Variants in CDH13 observed in about 807,000 individuals in gnomAD.
CDH13 encodes cadherin 13.
Under a neutral mutation model 63.8 loss-of-function variants are expected in CDH13, and 24 were observed. That is an observed-to-expected ratio of 0.38 (90% CI 0.27 to 0.53). The LOEUF is 0.53. Among genes scored for constraint, CDH13 ranks in the 20% least tolerant of loss-of-function variants. The pLI is 0.85. For synonymous variants in CDH13, 503 were observed against 355.3 expected, an observed-to-expected ratio of 1.42 and a Z score of -4.67; for missense variants, 1,049 against 903.1, an observed-to-expected ratio of 1.16 and a Z score of -2.07.
At chr16:83,741,164 T>G (rs540257748) in intron 10 of CDH13, among the ~76,000 whole-genome samples, 3 of 152,338 alleles carry the variant, frequency 2.0e-5, no homozygotes, top group African/African-American at 7.2e-5. Flanking sequence ...TCCATACATT[T>G]TGTCAGAAGA....
At chr16:83,147,918 G>T (rs1421079556) in intron 4 of CDH13, among the ~76,000 whole-genome samples, 1 of 152,206 alleles carries the variant, frequency 6.6e-6, no homozygotes, top group African/African-American at 2.4e-5. Flanking sequence ...AGCAGGTTCT[G>T]GTGGCTCACT....
At chr16:83,015,008 A>G (rs1914618716) in intron 2 of CDH13, among the ~76,000 whole-genome samples, 1 of 151,018 alleles carries the variant, frequency 6.6e-6, no homozygotes, top group South Asian at 2.1e-4. Flanking sequence ...ACTAAGAGAT[A>G]ATATGCAGTC....
At chr16:82,927,718 C>T (rs1412890495) in intron 2 of CDH13, among the ~76,000 whole-genome samples, 3 of 152,128 alleles carry the variant, frequency 2.0e-5, no homozygotes, top group East Asian at 1.9e-4. Flanking sequence ...TGACTTTGGT[C>T]GTGAGTGATA....
chr16:82,990,744 C>A (rs998967103), intron 2 of CDH13, among the ~76,000 whole-genome samples: 2 of 151,936 alleles, frequency 1.3e-5, no homozygotes, highest in African/African-American at 4.8e-5. Context: ...TGGGGTCTTG[C>A]TATGTTGCCT....
At chr16:83,745,065 A>G (rs1446529047) in intron 10 of CDH13, among the ~76,000 whole-genome samples, 1 of 152,190 alleles carries the variant, frequency 6.6e-6, no homozygotes, top group Non-Finnish European at 1.5e-5. Context: ...GAATAATATT[A>G]TCAACCTCCC....
rs536843287 is a variant in CDH13 at position 83,678,277 on chromosome 16, C to T, written c.1354C>T (p.Pro452Ser). Residue 452 changes from proline to serine, a missense_variant, in exon 10 of 14, where the codon CCC becomes TCC. Physicochemically the swap from Pro to Ser is moderately conservative, Grantham distance 74. Coordinates refer to ENST00000567109, the MANE Select transcript of CDH13 (RefSeq NM_001257.5). ...AGTGGAAAATGAAGACCCACTCGTACCCGACGTCTCCTACGGCCCCAGCTC... is the reference window on the plus strand; with the variant it reads ...AGTGGAAAATGAAGACCCACTCGTATCCGACGTCTCCTACGGCCCCAGCTC... ...IKVENEDPLV[P>S]DVSYGPSSTA... 4.3e-6 allele frequency: 7 copies of T among 1,613,998 alleles called. No homozygotes were observed. The highest frequency in any genetic ancestry group is 5.9e-6 in the Non-Finnish European group (7 of 1,179,898).
intron 2 of CDH13, among the ~76,000 whole-genome samples, chr16:82,999,545 C>T (rs926756889): frequency 6.6e-6 from 1 of 151,894 alleles, no homozygotes; most frequent in Non-Finnish European, 1.5e-5. Flanking sequence ...AAAAATCAAT[C>T]AGAGGTGAAT....
Position 82,797,774 on chromosome 16 carries a change from C to CGTGTGTGTGTGTGT in CDH13, c.46-60567_46-60554dup, listed in dbSNP as rs3046484. On this transcript the variant is annotated intron_variant, in intron 1 of 13. Transcript: ENST00000567109. ...AAGGGCCCATGTATGACTTTAGGGC[C>CGTGTGTGTGTGTGT]GTGTGTGTGTGTGTGTGTGTGTGTG... Among the ~76,000 whole-genome samples, 823 of 145,628 alleles carry CGTGTGTGTGTGTGT rather than the reference C, an allele frequency of 5.7e-3. 4 individuals carry two copies. Among genetic ancestry groups the CGTGTGTGTGTGTGT allele is most frequent in the Middle Eastern group, 0.011 (3 of 282 alleles).
chr16:83,448,485 C>G (rs902559203), intron 6 of CDH13, among the ~76,000 whole-genome samples: 12 of 152,282 alleles, frequency 7.9e-5, no homozygotes, highest in South Asian at 2.1e-4. Flanking sequence ...TGCTCAGTGT[C>G]TCTGAGCTTC....
chr16:83,150,363 C>A (rs535391599), intron 4 of CDH13, among the ~76,000 whole-genome samples: 1 of 152,270 alleles, frequency 6.6e-6, no homozygotes, highest in East Asian at 1.9e-4. Flanking sequence ...ATCTCCCTAT[C>A]CCTACCCACT....
At chr16:83,090,647 A>C (rs943686983) in intron 3 of CDH13, among the ~76,000 whole-genome samples, 4 of 151,586 alleles carry the variant, frequency 2.6e-5, no homozygotes, top group African/African-American at 9.7e-5. Context: ...TTCCTAGCCC[A>C]GGCTCTGCAC....
At chr16:82,726,302 A>G (rs191321832) in intron 1 of CDH13, among the ~76,000 whole-genome samples, 15 of 152,288 alleles carry the variant, frequency 9.8e-5, no homozygotes, top group African/African-American at 3.1e-4. Context: ...CATCACAGCT[A>G]CTCAATTCAG....
intron 7 of CDH13, among the ~76,000 whole-genome samples, chr16:83,568,441 G>T (rs1270151013): frequency 6.6e-6 from 1 of 152,154 alleles, no homozygotes; most frequent in Non-Finnish European, 1.5e-5. Flanking sequence ...TGAGGTTTCT[G>T]AGCATAATGA....
chr16:83,350,944 T>G (rs1398125865), intron 6 of CDH13, among the ~76,000 whole-genome samples: 1 of 152,222 alleles, frequency 6.6e-6, no homozygotes, highest in Non-Finnish European at 1.5e-5. Context: ...TCAAGTCGCC[T>G]TTGGGACTAA....
At position 83,047,672 on chromosome 16, in the gene CDH13, T is replaced by TA. The variant is rs958534746; in HGVS notation, c.366+15455dup. 2.0e-5 allele frequency among the ~76,000 whole-genome samples: 3 copies of TA among 152,238 alleles called. No individual in the cohort carries two copies. The highest frequency in any genetic ancestry group is 4.4e-5 in the Non-Finnish European group (3 of 68,038). On this transcript the variant is annotated intron_variant, in intron 3 of 13. Transcript: ENST00000567109. This position sits in a 1 kb window ranked among gnomAD's most constrained non-coding sequence, Gnocchi z 4.9. ...TGTTCGTTGCTATAAATCTAGCACT[T>TA]ACAATATCTGGCTGTGAATAAATAA...
intron 11 of CDH13, among the ~76,000 whole-genome samples, chr16:83,770,103 C>T (rs568442510): frequency 6.6e-6 from 1 of 152,178 alleles, no homozygotes; most frequent in Non-Finnish European, 1.5e-5. Context: ...CATCCACACC[C>T]ACAGCGTCAA....
At chr16:83,424,963 C>A (rs1427506190) in intron 6 of CDH13, among the ~76,000 whole-genome samples, 1 of 152,172 alleles carries the variant, frequency 6.6e-6, no homozygotes, top group South Asian at 2.1e-4. Flanking sequence ...TGCATTTAAC[C>A]TTTTGCTGCA....
chr16:82,724,881 G>A (rs1434441841), intron 1 of CDH13, among the ~76,000 whole-genome samples: 1 of 152,140 alleles, frequency 6.6e-6, no homozygotes, highest in Non-Finnish European at 1.5e-5. Context: ...GTCCTTGGCT[G>A]GGTCAGCCAT....
intron 6 of CDH13, among the ~76,000 whole-genome samples, chr16:83,382,624 A>T (rs1427469336): frequency 6.6e-6 from 1 of 152,144 alleles, no homozygotes; most frequent in African/African-American, 2.4e-5. Context: ...GTGCATCAAT[A>T]CATTGATGCA....
Sources: gnomAD v4.1 joint callset for allele counts (sites outside exome capture counted in the v4.1 genomes callset) on GRCh38, gnomAD v4.1.1 for gene constraint, Gnocchi (gnomAD v3.1) non-coding constraint, MANE v1.5 for transcripts, NCBI Gene and HGNC (gene_info 2026-07-23, HGNC 2026-07-21) for gene names.